CORO2B: variants seen among roughly 807,000 people sequenced by gnomAD.
CORO2B encodes the protein coronin 2B, also known as coronin-2B.
In CORO2B, 26 loss-of-function variants were observed where a neutral mutation model predicts 58.8. That is an observed-to-expected ratio of 0.44 (90% CI 0.32 to 0.61). The LOEUF is 0.61. CORO2B is among the 20% of genes least tolerant of loss of function. The pLI, the probability that CORO2B is intolerant of heterozygous loss-of-function variation, is 0.04. For missense variants in CORO2B, 460 were observed against 645.1 expected (o/e 0.71, Z 3.11); for synonymous variants, 242 against 253.8 (o/e 0.95, Z 0.44).
the CORO2B span, among the ~76,000 whole-genome samples, chr15:68,554,304 G>A: frequency 6.6e-6 from 1 of 152,128 alleles, no homozygotes; most frequent in East Asian, 1.9e-4. Flanking sequence ...GCCTCGGGAC[G>A]TGGAGCAGGT....
chr15:68,574,869 G>C (rs1375326647), upstream of CORO2B, among the ~76,000 whole-genome samples: 3 of 152,220 alleles, frequency 2.0e-5, no homozygotes, highest in African/African-American at 7.2e-5. Flanking sequence ...TCGCCATGCT[G>C]AGAAAGAGGG....
chr15:68,521,301 T>C, the CORO2B span, among the ~76,000 whole-genome samples: 1 of 152,242 alleles, frequency 6.6e-6, no homozygotes, highest in Admixed American at 6.5e-5. Context: ...GAGATTGCCA[T>C]AGATTACTTA....
chr15:68,519,026 A>G, the CORO2B span, among the ~76,000 whole-genome samples: 1 of 152,198 alleles, frequency 6.6e-6, no homozygotes, highest in African/African-American at 2.4e-5. Context: ...CAGAGTATGC[A>G]CGGCCCAGGA....
rs1227500037 is a variant in CORO2B, at chr15:68,611,778, T to G, written c.15+32501T>G. Reference sequence around the variant, plus strand: ...TTTCCAATTTTCCACTTTTTTTCTTTTTTTTTTTTTTGAGACAAGATCTTA... The same window carrying G: ...TTTCCAATTTTCCACTTTTTTTCTTGTTTTTTTTTTTGAGACAAGATCTTA... On this transcript the variant is annotated intron_variant, in intron 1 of 11. Transcript: ENST00000261861. 8.6e-5 allele frequency among the ~76,000 whole-genome samples: 13 copies of G among 150,640 alleles called. No homozygotes were observed. In the East Asian group the frequency reaches 2.5e-3, roughly 29 times the overall value.
chr15:68,563,002 G>A, the CORO2B span, among the ~76,000 whole-genome samples: 1,322 of 148,980 alleles, frequency 8.9e-3, 12 homozygotes, highest in Non-Finnish European at 0.015. Context: ...AGAAAGAAAA[G>A]AAAACAAAAA....
intron 3 of CORO2B, among the ~76,000 whole-genome samples, chr15:68,704,145 TG>T (rs1337907439): frequency 6.7e-6 from 1 of 149,196 alleles, no homozygotes; most frequent in African/African-American, 2.5e-5. Context: ...GAGGCTGAGG[TG>T]GGAGGATGGC....
chr15:68,604,628 A>C (rs1293332006), intron 1 of CORO2B, among the ~76,000 whole-genome samples: 1 of 151,874 alleles, frequency 6.6e-6, no homozygotes, highest in Admixed American at 6.5e-5. Flanking sequence ...TTAAAAAAAA[A>C]AACCTCCCTT....
chr15:68,608,012 G>T (rs1260381722), intron 1 of CORO2B, among the ~76,000 whole-genome samples: 1 of 152,254 alleles, frequency 6.6e-6, no homozygotes, highest in Non-Finnish European at 1.5e-5. Flanking sequence ...GAGTGAGGGG[G>T]TCTACATGGG....
In CORO2B at chr15:68,693,938, C is replaced by T. The variant is rs565169747; in HGVS notation, c.217-1202C>T. Among the ~76,000 whole-genome samples the T allele has an allele frequency of 2.8e-4, 43 of 152,284 alleles. 1 individual carries two copies. Among genetic ancestry groups the T allele is most frequent in the African/African-American group, 1.0e-3 (42 of 41,538 alleles). On this transcript the variant is annotated intron_variant, in intron 2 of 11. Transcript: ENST00000261861. ...GCAACCTCCGCCTCCTGGGTTCAAGCGATTCTCCTGTCTCAGCCTCCCGAG... is the reference window on the plus strand; with the variant it reads ...GCAACCTCCGCCTCCTGGGTTCAAGTGATTCTCCTGTCTCAGCCTCCCGAG...
At chr15:68,546,746 C>G in the CORO2B span, among the ~76,000 whole-genome samples, 1 of 152,152 alleles carries the variant, frequency 6.6e-6, no homozygotes, top group East Asian at 1.9e-4. Flanking sequence ...TTCTACCTGC[C>G]CCCTTCTTGT....
In CORO2B at chr15:68,645,493, C is replaced by A; in HGVS notation, c.216+133C>A. 1.2e-6 allele frequency: 1 copy of A among 802,890 alleles called. No homozygotes were observed. 49.7% of individuals were successfully genotyped at this position (802,890 alleles called of 1,614,324 possible). ...TACTTCCTCATCAAGCATCTAGTGGCTATGCCTTCTTTAGGGTTTTCCTGA... is the reference window on the plus strand; with the variant it reads ...TACTTCCTCATCAAGCATCTAGTGGATATGCCTTCTTTAGGGTTTTCCTGA... On this transcript the variant is annotated intron_variant, in intron 2 of 11. Transcript: ENST00000261861. The surrounding 1 kb of genome is among the most constrained non-coding windows in gnomAD (Gnocchi z 4.5).
intron 2 of CORO2B, among the ~76,000 whole-genome samples, chr15:68,656,914 A>G (rs1056024946): frequency 1.3e-5 from 2 of 152,160 alleles, no homozygotes; most frequent in African/African-American, 4.8e-5. Context: ...CTTTCAGTGC[A>G]AGTCTGCTGG....
the CORO2B span, among the ~76,000 whole-genome samples, chr15:68,529,139 G>A: frequency 2.6e-5 from 4 of 152,128 alleles, no homozygotes; most frequent in Non-Finnish European, 4.4e-5. Flanking sequence ...GTGGCTTGAA[G>A]GTGGTTTGGC....
chr15:68,698,666 C>A (rs1892570770), intron 3 of CORO2B, among the ~76,000 whole-genome samples: 1 of 152,172 alleles, frequency 6.6e-6, no homozygotes, highest in South Asian at 2.1e-4. Context: ...CACCATTTAC[C>A]ATCTGGGTGG....
chr15:68,591,049 T>C (rs1899692202), intron 1 of CORO2B, among the ~76,000 whole-genome samples: 1 of 152,238 alleles, frequency 6.6e-6, no homozygotes, highest in African/African-American at 2.4e-5. Flanking sequence ...AAGCAGTCTC[T>C]GTCTCCAGGG....
At chr15:68,602,543 C>T (rs548570874) in intron 1 of CORO2B, among the ~76,000 whole-genome samples, 1 of 152,200 alleles carries the variant, frequency 6.6e-6, no homozygotes, top group Admixed American at 6.5e-5. Context: ...TGTCTTTAAC[C>T]GCCTCTCCCT....
intron 3 of CORO2B, among the ~76,000 whole-genome samples, chr15:68,700,690 GC>G (rs1421314367): frequency 6.6e-6 from 1 of 152,210 alleles, no homozygotes; most frequent in Non-Finnish European, 1.5e-5. Flanking sequence ...TGAAGGCTAT[GC>G]TTTTTATAGC....
Position 68,726,036 on chromosome 15 carries a change from C to T in CORO2B, c.*62C>T. ...GTCGTTTCTACTCATCCCTTAACTT[C>T]TCCCTTACCAGTGACCCCAGAGACA... On this transcript the variant is annotated 3_prime_UTR_variant, in exon 12 of 12. Coordinates refer to ENST00000261861, the MANE Select transcript of CORO2B (RefSeq NM_006091.5). The T allele has an allele frequency of 2.5e-6, 4 of 1,596,610 alleles. No homozygotes were observed. In the South Asian group the frequency reaches 4.4e-5, roughly 18 times the overall value.
intron 2 of CORO2B, among the ~76,000 whole-genome samples, chr15:68,683,475 A>G (rs1303910972): frequency 6.6e-6 from 1 of 152,206 alleles, no homozygotes; most frequent in Non-Finnish European, 1.5e-5. Context: ...TAAACCAGAA[A>G]TGTGCTTTTT....
Sources: allele counts gnomAD v4.1 joint callset (sites outside exome capture counted in the v4.1 genomes callset), GRCh38; gene constraint gnomAD v4.1.1; non-coding constraint Gnocchi (gnomAD v3.1); transcripts MANE v1.5; gene names NCBI Gene and HGNC (gene_info 2026-07-23, HGNC 2026-07-21).